FLRT2: variants seen among roughly 807,000 people sequenced by gnomAD.
FLRT2 encodes leucine-rich repeat transmembrane protein FLRT2.
A neutral mutation model predicts 40.0 loss-of-function variants in FLRT2; 15 were observed. That is an observed-to-expected ratio of 0.38 (90% CI 0.25 to 0.58). The LOEUF (loss-of-function observed/expected upper bound fraction) is 0.58. Among genes scored for constraint, FLRT2 ranks in the 20% least tolerant of loss-of-function variants. The probability of loss-of-function intolerance (pLI) is 0.71; values close to 1 mark genes in which losing one functional copy is unlikely to be tolerated. For synonymous variants in FLRT2, 380 were observed against 336.8 expected, an observed-to-expected ratio of 1.13 and a Z score of -1.41; for missense variants, 726 against 840.0, an observed-to-expected ratio of 0.86 and a Z score of 1.68.
intron 1 of FLRT2, chr14:85,563,169 T>C (rs1393257525): frequency 2.0e-5 from 3 of 152,170 alleles, no homozygotes; most frequent in Admixed American, 6.5e-5. Flanking sequence ...CATTGCTGCC[T>C]GGCAATTACA....
At chr14:85,544,201 T>C (rs1889143377) in intron 1 of FLRT2, among the ~76,000 whole-genome samples, 1 of 152,302 alleles carries the variant, frequency 6.6e-6, no homozygotes, top group African/African-American at 2.4e-5. Context: ...CAGACAAATA[T>C]TGGCTGGTAA....
rs1893925802 is a variant in FLRT2 at position 85,633,238 on chromosome 14, T to C, written c.*9741T>C. 6.6e-6 allele frequency: 1 copy of C among 152,136 alleles called. No homozygotes were observed. The highest frequency in any genetic ancestry group is 1.5e-5 in the Non-Finnish European group (1 of 68,008). The allele number at this position is 152,136 out of a possible 1,614,324, so 9.4% of individuals were successfully genotyped here. A position where few individuals can be genotyped will look rare whatever the true frequency, so the allele number is the denominator to read the frequency against. On this transcript the variant is annotated 3_prime_UTR_variant, in exon 2 of 2. Coordinates refer to ENST00000330753, the MANE Select transcript of FLRT2 (RefSeq NM_013231.6). ...AAGGTTTTCATTATTCTGTATTCTTTCTGGGGGAAAAAAATTGGGAAGATG... is the reference window on the plus strand; with the variant it reads ...AAGGTTTTCATTATTCTGTATTCTTCCTGGGGGAAAAAAATTGGGAAGATG...
intron 1 of FLRT2, among the ~76,000 whole-genome samples, chr14:85,558,303 C>T (rs1890100727): frequency 6.6e-6 from 1 of 151,380 alleles, no homozygotes; most frequent in Non-Finnish European, 1.5e-5. Context: ...TTTTTTAATC[C>T]TTCAACATTT....
chr14:85,578,616 T>C (rs1891237820), intron 1 of FLRT2, among the ~76,000 whole-genome samples: 1 of 152,020 alleles, frequency 6.6e-6, no homozygotes, highest in Admixed American at 6.6e-5. Flanking sequence ...GCAAAGAAAA[T>C]AGTCATCGTA....
intron 1 of FLRT2, among the ~76,000 whole-genome samples, chr14:85,608,032 C>G (rs899822021): frequency 6.6e-6 from 1 of 152,080 alleles, no homozygotes; most frequent in African/African-American, 2.4e-5. Flanking sequence ...TCTTCCTGTA[C>G]AGACACCAGT....
chr14:85,542,055 C>T (rs534989639), intron 1 of FLRT2, among the ~76,000 whole-genome samples: 6 of 152,150 alleles, frequency 3.9e-5, no homozygotes, highest in East Asian at 1.9e-4. Flanking sequence ...TGTAAATTAT[C>T]GTTATGCTTG....
chr14:85,561,349 G>A (rs1365836719), intron 1 of FLRT2: 1 of 152,170 alleles, frequency 6.6e-6, no homozygotes, highest in Non-Finnish European at 1.5e-5. Flanking sequence ...GTTGTAAAAT[G>A]TTATTGTGCA....
intron 1 of FLRT2, among the ~76,000 whole-genome samples, chr14:85,606,971 A>T (rs1217864009): frequency 1.3e-5 from 2 of 149,038 alleles, no homozygotes; most frequent in African/African-American, 5.0e-5. Context: ...GCCTTCCCTC[A>T]TGACATTTTA....
chr14:85,585,469 C>T (rs1215443858), intron 1 of FLRT2, among the ~76,000 whole-genome samples: 3 of 152,000 alleles, frequency 2.0e-5, no homozygotes, highest in Non-Finnish European at 4.4e-5. Flanking sequence ...AAATGTAAAC[C>T]TTTTTATTTC....
intron 1 of FLRT2, among the ~76,000 whole-genome samples, chr14:85,611,643 A>G (rs1011111744): frequency 2.0e-5 from 3 of 152,294 alleles, no homozygotes; most frequent in African/African-American, 7.2e-5. Context: ...ACCAGGGCCT[A>G]CAGTCCAGTC....
At chr14:85,605,455 T>C (rs1942105723) in intron 1 of FLRT2, among the ~76,000 whole-genome samples, 1 of 152,162 alleles carries the variant, frequency 6.6e-6, no homozygotes, top group South Asian at 2.1e-4. Context: ...TCAGTTAAAT[T>C]AAGAAATCAT....
intron 1 of FLRT2, among the ~76,000 whole-genome samples, chr14:85,587,853 G>A (rs372028293): frequency 2.2e-4 from 34 of 152,208 alleles, no homozygotes; most frequent in African/African-American, 7.9e-4. Context: ...TAATCACCTG[G>A]TTAGTAAGAT....
intron 1 of FLRT2, among the ~76,000 whole-genome samples, chr14:85,598,896 G>T (rs1339734116): frequency 2.0e-5 from 3 of 146,864 alleles, no homozygotes; most frequent in Non-Finnish European, 4.5e-5. Context: ...ACATTAAGAT[G>T]AAATAAGAGA....
chr14:85,637,768 C>T lies in FLRT2; in HGVS notation c.*14271C>T, dbSNP rs1894044917. On this transcript the variant is annotated 3_prime_UTR_variant, in exon 2 of 2. Transcript: ENST00000330753. ...GGAAGATTTGAAACATAATAGTTTCCTTTGCGCTTCTGTGGATGTCTCTGA... is the reference window on the plus strand; with the variant it reads ...GGAAGATTTGAAACATAATAGTTTCTTTTGCGCTTCTGTGGATGTCTCTGA... 1.3e-5 allele frequency: 2 copies of T among 152,146 alleles called. No homozygotes were observed. The highest frequency in any genetic ancestry group is 2.9e-5 in the Non-Finnish European group (2 of 68,038). The allele number at this position is 152,146 out of a possible 1,614,324, so 9.4% of individuals were successfully genotyped here.
Position 85,647,335 on chromosome 14 carries a change from A to G in FLRT2, c.*23838A>G, listed in dbSNP as rs1289964088. 2.0e-5 allele frequency: 3 copies of G among 152,176 alleles called. No homozygotes were observed. The highest frequency in any genetic ancestry group is 1.9e-4 in the East Asian group (1 of 5,198). The allele number at this position is 152,176 out of a possible 1,614,324, so 9.4% of individuals were successfully genotyped here. On this transcript the variant is annotated 3_prime_UTR_variant, in exon 2 of 2. Coordinates refer to ENST00000330753, the MANE Select transcript of FLRT2 (RefSeq NM_013231.6). ...TTTCTTGTTATCTGTAGCAGAATTG[A>G]ATGTTGCCCAGCAATATAATATATG... is the stretch of plus-strand genomic sequence containing the variant.
intron 1 of FLRT2, among the ~76,000 whole-genome samples, chr14:85,570,192 T>A (rs1008640033): frequency 1.3e-5 from 2 of 152,008 alleles, no homozygotes; most frequent in Admixed American, 1.3e-4. Context: ...CCTTGTCAAG[T>A]TTGCATTGAA....
intron 1 of FLRT2, among the ~76,000 whole-genome samples, chr14:85,537,802 AT>A (rs1404682297): frequency 6.6e-6 from 1 of 151,030 alleles, no homozygotes; most frequent in African/African-American, 2.4e-5. Flanking sequence ...AATCAGTGGT[AT>A]TTTGAGTACA....
chr14:85,539,926 G>C (rs1888887625), intron 1 of FLRT2, among the ~76,000 whole-genome samples: 1 of 152,138 alleles, frequency 6.6e-6, no homozygotes, highest in African/African-American at 2.4e-5. Flanking sequence ...CTTCCATTCA[G>C]TTAATAATGG....
rs540490232 is a variant in FLRT2 at position 85,613,985 on chromosome 14, C to A, written c.-376-7154C>A. ...CTCTACCAAATTAGGGACAAATGCT[C>A]CCCGGCACAGGAGCTTTTGTTGTTG... On this transcript the variant is annotated intron_variant, in intron 1 of 1. Coordinates refer to ENST00000330753, the MANE Select transcript of FLRT2 (RefSeq NM_013231.6). Among the ~76,000 whole-genome samples, 7 of 152,280 alleles carry A rather than the reference C, an allele frequency of 4.6e-5. No homozygotes were observed. The South Asian group carries it at 1.5e-3, about 32-fold the overall frequency.
Sources: allele counts gnomAD v4.1 joint callset (sites outside exome capture counted in the v4.1 genomes callset), GRCh38; gene constraint gnomAD v4.1.1; transcripts MANE v1.5; gene names NCBI Gene and HGNC (gene_info 2026-07-23, HGNC 2026-07-21).